CKMT2: variants seen among roughly 807,000 people sequenced by gnomAD.
The protein encoded by CKMT2 is creatine kinase, mitochondrial 2, also known as creatine kinase S-type, mitochondrial.
Under a neutral mutation model 48.9 loss-of-function variants are expected in CKMT2, and 43 were observed. That is an observed-to-expected ratio of 0.88 (90% CI 0.69 to 1.13). CKMT2 has a LOEUF of 1.13. CKMT2 is among the 50% of genes most tolerant of loss of function. The pLI is 0.00. For missense variants in CKMT2, 472 were observed against 555.4 expected, an observed-to-expected ratio of 0.85 and a Z score of 1.51; for synonymous variants, 206 against 213.0, an observed-to-expected ratio of 0.97 and a Z score of 0.29.
rs1250848859 is a variant in CKMT2 at position 81,263,681 on chromosome 5, G to GCAAA, written c.1140+68_1140+71dup. ...TCAGCCTAAGAGAGAATAGAGAAAA[G>GCAAA]CAAACAGCCTAGCCGTTTTCACAAA... On this transcript the variant is annotated intron_variant, in intron 9 of 9. Coordinates refer to ENST00000254035, the MANE Select transcript of CKMT2 (RefSeq NM_001099735.2). 3.4e-6 allele frequency: 5 copies of GCAAA among 1,489,920 alleles called. No homozygotes were observed. In the East Asian group the frequency reaches 1.0e-4, roughly 30 times the overall value. The allele number at this position is 1,489,920 out of a possible 1,614,324, so 92.3% of individuals were successfully genotyped here. A position where few individuals can be genotyped will look rare whatever the true frequency, so the allele number is the denominator to read the frequency against.
chr5:81,234,536 C>T (rs1031210554), intron 1 of CKMT2, among the ~76,000 whole-genome samples: 1 of 152,170 alleles, frequency 6.6e-6, no homozygotes, highest in East Asian at 1.9e-4. Context: ...CCTTGTTTGG[C>T]GGTCTGAGCA....
chr5:81,240,505 G>A (rs879429930), intron 1 of CKMT2, among the ~76,000 whole-genome samples: 1 of 152,224 alleles, frequency 6.6e-6, no homozygotes, highest in Non-Finnish European at 1.5e-5. Flanking sequence ...ATCCTTTGCA[G>A]TGTGTGACCT....
intron 1 of CKMT2, among the ~76,000 whole-genome samples, chr5:81,248,748 G>A (rs182813160): frequency 4.1e-4 from 62 of 152,286 alleles, no homozygotes; most frequent in African/African-American, 1.4e-3. Context: ...GATTTCCTGG[G>A]CTATCCTGTA....
chr5:81,258,851 C>A (rs1337816343), intron 7 of CKMT2, among the ~76,000 whole-genome samples: 1 of 152,162 alleles, frequency 6.6e-6, no homozygotes, highest in Non-Finnish European at 1.5e-5. Context: ...GAAGAATTGT[C>A]TTAAAACATT....
intron 9 of CKMT2, 47 bp downstream of exon 9, chr5:81,263,663 AAG>A (rs1757304957): frequency 3.9e-6 from 6 of 1,557,444 alleles, no homozygotes; most frequent in Middle Eastern, 3.7e-4. Context: ...AAATCAGCCT[AAG>A]AGAGAATAGA....
At chr5:81,244,042 A>T (rs532509222) in intron 1 of CKMT2, 1 of 985,394 alleles carries the variant, frequency 1.0e-6, no homozygotes, top group African/African-American at 1.7e-5. Context: ...CCAAAAATAG[A>T]TCAAAGGAAA....
At chr5:81,243,236 G>A (rs1756496419) in intron 1 of CKMT2, among the ~76,000 whole-genome samples, 2 of 152,158 alleles carry the variant, frequency 1.3e-5, no homozygotes, top group Admixed American at 1.3e-4. Context: ...AAGGCACAGA[G>A]CACAAGGGCA....
intron 1 of CKMT2, among the ~76,000 whole-genome samples, chr5:81,248,137 T>C (rs71636262): frequency 0.014 from 2,200 of 152,308 alleles, 31 homozygotes; most frequent in Non-Finnish European, 0.025. Flanking sequence ...CTCCCCTTCC[T>C]CTTGGCTCTG....
chr5:81,259,948 T>C (rs992944010), intron 8 of CKMT2, among the ~76,000 whole-genome samples: 27 of 152,166 alleles, frequency 1.8e-4, no homozygotes, highest in Non-Finnish European at 1.3e-4. Flanking sequence ...TCGCACTTAT[T>C]GTAAAATCGA....
intron 5 of CKMT2, among the ~76,000 whole-genome samples, chr5:81,255,681 G>A (rs1168045434): frequency 6.6e-6 from 1 of 152,126 alleles, no homozygotes; most frequent in Non-Finnish European, 1.5e-5. Context: ...TCCTGGTGGG[G>A]TTGATTCCTG....
In CKMT2 at chr5:81,254,995, C is replaced by A; in HGVS notation, c.450C>A (p.Ile150=). 1 of 1,613,502 alleles carries A rather than the reference C, an allele frequency of 6.2e-7. No individual in the cohort carries two copies. The highest frequency in any genetic ancestry group is 8.5e-7 in the Non-Finnish European group (1 of 1,179,692). ...KHTTDLDASK[I]TQGQFDEHYV... is the part of the protein sequence containing the mutation. ...TGACCCCACAGTCTGCTTGGCAGAT[C>A]ACCCAAGGGCAGTTCGACGAGCATT... The change falls in exon 5 of 10, where the codon ATC becomes ATA. Residue 150 remains isoleucine, a splice_region_variant and synonymous_variant. Coordinates refer to ENST00000254035, the MANE Select transcript of CKMT2 (RefSeq NM_001099735.2).
chr5:81,247,951 T>C (rs557403890), intron 1 of CKMT2, among the ~76,000 whole-genome samples: 18 of 152,326 alleles, frequency 1.2e-4, no homozygotes, highest in Admixed American at 1.0e-3. Flanking sequence ...AAGGGCAGTA[T>C]TGGAACTTGG....
At chr5:81,254,694 G>C in intron 4 of CKMT2, 1 of 596,534 alleles carries the variant, frequency 1.7e-6, no homozygotes, top group Non-Finnish European at 3.0e-6. Flanking sequence ...AATACAACTA[G>C]GGAAGGGTTG....
chr5:81,266,011 G>C (rs1490269521), intron 9 of CKMT2, 128 bp from the exon 10 acceptor site: 1 of 734,592 alleles, frequency 1.4e-6, no homozygotes, highest in Non-Finnish European at 2.2e-6. Context: ...CCATTTCTGA[G>C]AAGGAAGGAA....
chr5:81,243,710 GAGTCA>G (rs1382843469), intron 1 of CKMT2, among the ~76,000 whole-genome samples: 3 of 147,096 alleles, frequency 2.0e-5, no homozygotes, highest in Admixed American at 6.8e-5. Context: ...TTTTTTTTTT[GAGTCA>G]AGTCTCTATC....
intron 1 of CKMT2, 54 bp downstream of exon 1, chr5:81,233,431 G>C (rs1347967721): frequency 4.1e-6 from 4 of 981,532 alleles, no homozygotes; most frequent in African/African-American, 1.7e-5. Flanking sequence ...GTCATGGCTA[G>C]AGCCAGTGTG....
intron 1 of CKMT2, among the ~76,000 whole-genome samples, chr5:81,247,278 G>C (rs1756644536): frequency 6.6e-6 from 1 of 152,144 alleles, no homozygotes; most frequent in Non-Finnish European, 1.5e-5. Context: ...TTGTCCTAAT[G>C]GTTTCACAAG....
chr5:81,251,332 C>T, intron 2 of CKMT2, 48 bp downstream of exon 2: 2 of 1,594,972 alleles, frequency 1.3e-6, no homozygotes, highest in Non-Finnish European at 1.7e-6. Flanking sequence ...CACGGTGGCT[C>T]ATGCATGTAA....
At chr5:81,255,501 T>C (rs980719861) in intron 5 of CKMT2, among the ~76,000 whole-genome samples, 1 of 152,178 alleles carries the variant, frequency 6.6e-6, no homozygotes, top group African/African-American at 2.4e-5. Context: ...GAATGGAGGA[T>C]CTCCTAGCTT....
Sources: allele counts gnomAD v4.1 joint callset (sites outside exome capture counted in the v4.1 genomes callset), GRCh38; gene constraint gnomAD v4.1.1; transcripts MANE v1.5; gene names NCBI Gene and HGNC (gene_info 2026-07-23, HGNC 2026-07-21).